The following CSDE1 variants were observed in gnomAD, a reference collection of about 807,000 sequenced individuals.
The protein encoded by CSDE1 is cold shock domain-containing protein E1.
A neutral mutation model predicts 89.3 loss-of-function variants in CSDE1; 17 were observed. The ratio of observed to expected loss-of-function variants is 0.19; its 90% CI spans 0.13 to 0.29. The LOEUF is 0.29. Ranked by LOEUF, CSDE1 falls within the 10% of genes least tolerant of loss-of-function variation. The pLI, the probability that CSDE1 is intolerant of heterozygous loss-of-function variation, is 1.00. For synonymous variants in CSDE1, 322 were observed against 332.8 expected (o/e 0.97, Z 0.35); for missense variants, 672 against 984.2 (o/e 0.68, Z 4.24).
intron 16 of CSDE1, among the ~76,000 whole-genome samples, 193 bp from the exon 17 acceptor site, chr1:114,720,910 G>C (rs1249992363): frequency 6.6e-6 from 1 of 152,154 alleles, no homozygotes; most frequent in Non-Finnish European, 1.5e-5. Flanking sequence ...AACCAAATGA[G>C]AATGTCACAG....
In CSDE1 at chr1:114,730,322, G is replaced by A. The variant is rs377443747; in HGVS notation, c.1292C>T (p.Thr431Met). ...GGAAAAAGTGGCTTCTTTTTCTACC[G>A]TGCCCAGAAAACGGTGATCTGAATG... The part of the protein sequence containing the change: ...HSHSDHRFLG[T>M]VEKEATFSNP... Residue 431 changes from threonine to methionine, a missense_variant, in exon 12 of 20, where the codon ACG (threonine) becomes ATG (methionine). Around this residue, in one of 8 missense-constraint regions of CSDE1, gnomAD observed 108 missense variants for 105.0 expected, o/e 1.03. Transcript: ENST00000358528. 11 of 1,613,994 alleles carry A rather than the reference G, an allele frequency of 6.8e-6. No homozygotes were observed. The highest frequency in any genetic ancestry group is 1.1e-5 in the South Asian group (1 of 91,078).
Position 114,718,177 on chromosome 1 carries a change from T to C in CSDE1, c.2389A>G (p.Ile797Val). 6.2e-7 allele frequency: 1 copy of C among 1,613,986 alleles called. No homozygotes were observed. ...AERKIRQAGV[I>V]D ...GTGCTTTGTGGATGTGGTTAGTCAA[T>C]GACACCAGCTTGACGGATCTTTCTT... Residue 797 changes from isoleucine (I) to valine (V), a missense_variant, in exon 20 of 20, where the codon ATT becomes GTT. Transcript: ENST00000358528.
At chr1:114,746,756 A>G (rs1661033865) in intron 2 of CSDE1, 1 of 152,208 alleles carries the variant, frequency 6.6e-6, no homozygotes, top group Non-Finnish European at 1.5e-5. Context: ...ACATTTCTCC[A>G]TATTGACCAT....
intron 2 of CSDE1, among the ~76,000 whole-genome samples, chr1:114,741,952 A>T (rs936607473): frequency 6.6e-6 from 1 of 152,244 alleles, no homozygotes; most frequent in Non-Finnish European, 1.5e-5. Context: ...ATGCCGATCA[A>T]CTTTAAATAG....
chr1:114,723,239 C>T (rs1235092814), intron 16 of CSDE1, among the ~76,000 whole-genome samples: 2 of 152,214 alleles, frequency 1.3e-5, no homozygotes, highest in African/African-American at 4.8e-5. Flanking sequence ...TAATCATCTA[C>T]AGAGTTCTCT....
rs1303961402 is a variant in CSDE1 at position 114,730,381 on chromosome 1, T to C, written c.1233A>G (p.Lys411=). ...ATGAAACCGTGCCCTTGGGAAGTTT[T>C]TTAATCCTAATAGCATGATTTCTTT... The part of the protein sequence containing the change: ...SAQRNHAIRI[K]KLPKGTVSFH... The change falls in exon 12 of 20, where the codon AAA becomes AAG. Residue 411 remains lysine (K), a synonymous_variant. Coordinates refer to ENST00000358528, the MANE Select transcript of CSDE1 (RefSeq NM_001007553.3). 4 of 1,614,080 alleles carry C rather than the reference T, an allele frequency of 2.5e-6. No homozygotes were observed. The Admixed American group carries it at 6.7e-5, about 27-fold the overall frequency.
At chr1:114,742,191 G>A (rs1453329705) in intron 2 of CSDE1, among the ~76,000 whole-genome samples, 1 of 152,076 alleles carries the variant, frequency 6.6e-6, no homozygotes, top group African/African-American at 2.4e-5. Flanking sequence ...CTCCAAAAGA[G>A]GCCAACAGTG....
intron 12 of CSDE1, among the ~76,000 whole-genome samples, chr1:114,728,242 AT>A (rs1489399503): frequency 6.6e-6 from 1 of 152,218 alleles, no homozygotes; most frequent in Admixed American, 6.5e-5. Flanking sequence ...AATCCAGAGG[AT>A]TTGAGTTTGG....
rs1421539381 is a variant in CSDE1 at position 114,737,536 on chromosome 1, C to G, written c.337G>C (p.Glu113Gln). ...QVVCAVPHNL[E>Q]SKSPAAPGQS... is the part of the protein sequence containing the mutation. ...CCCGGGGCAGCTGGAGATTTACTCT[C>G]TAAGTTGTGAGGAACAGCGCACACA... Residue 113 changes from glutamate (E) to glutamine (Q), a missense_variant, in exon 5 of 20, where the codon GAG (glutamate) becomes CAG (glutamine). By Grantham distance (29) the Glu-to-Gln change is conservative (BLOSUM62 2). This residue lies in a region of CSDE1 where 124 missense variants were observed against 138.7 expected (regional missense o/e 0.89). Coordinates refer to ENST00000358528, the MANE Select transcript of CSDE1 (RefSeq NM_001007553.3). The G allele has an allele frequency of 6.2e-7, 1 of 1,613,556 alleles. No homozygotes were observed. Among genetic ancestry groups the G allele is most frequent in the African/African-American group, 1.3e-5 (1 of 74,742 alleles).
chr1:114,723,079 G>A (rs538257048), intron 16 of CSDE1, among the ~76,000 whole-genome samples: 3 of 151,860 alleles, frequency 2.0e-5, no homozygotes, highest in South Asian at 2.1e-4. Context: ...GGCTGGTCAC[G>A]AACTCCTGGC....
chr1:114,735,780 G>C (rs1486473483), intron 6 of CSDE1, among the ~76,000 whole-genome samples: 1 of 147,230 alleles, frequency 6.8e-6, no homozygotes, highest in African/African-American at 2.4e-5. Flanking sequence ...CCTATGCCAA[G>C]ATAAAAATAA....
intron 12 of CSDE1, among the ~76,000 whole-genome samples, chr1:114,728,732 G>T (rs796356274): frequency 6.6e-6 from 1 of 152,142 alleles, no homozygotes; most frequent in Admixed American, 6.6e-5. Context: ...TAGGTACTTC[G>T]AGGGCTTTTT....
rs1659249917 is a variant in CSDE1 at position 114,717,500 on chromosome 1, C to CCCCCAA, written c.*663_*668dup. ...TACTTACTAATTGTAGTAAAGTTACCCCCCAACCCACGAAAAAAAACCTAC... is the reference window on the plus strand; with the variant it reads ...TACTTACTAATTGTAGTAAAGTTACCCCCCAACCCCAACCCACGAAAAAAAACCTAC... On this transcript the variant is annotated 3_prime_UTR_variant, in exon 20 of 20. Coordinates refer to ENST00000358528, the MANE Select transcript of CSDE1 (RefSeq NM_001007553.3). The CCCCCAA allele has an allele frequency of 6.6e-6, 1 of 152,208 alleles. No homozygotes were observed. The highest frequency in any genetic ancestry group is 2.4e-5 in the African/African-American group (1 of 41,302). The allele number at this position is 152,208 out of a possible 1,614,324, so 9.4% of individuals were successfully genotyped here. A position where few individuals can be genotyped will look rare whatever the true frequency, so the allele number is the denominator to read the frequency against.
chr1:114,737,941 A>G (rs1242087908), intron 4 of CSDE1, 22 bp downstream of exon 4: 2 of 1,528,502 alleles, frequency 1.3e-6, no homozygotes, highest in South Asian at 1.1e-5. Flanking sequence ...CTAAAAAAAC[A>G]CAAAGCATCA....
At chr1:114,740,452 G>T (rs1570936098) in intron 2 of CSDE1, among the ~76,000 whole-genome samples, 1 of 152,284 alleles carries the variant, frequency 6.6e-6, no homozygotes, top group South Asian at 2.1e-4. Context: ...GTCCTTTAAT[G>T]AAAGACTATC....
intron 2 of CSDE1, among the ~76,000 whole-genome samples, chr1:114,742,893 C>T (rs1482516079): frequency 6.6e-6 from 1 of 152,168 alleles, no homozygotes; most frequent in Non-Finnish European, 1.5e-5. Context: ...CAATCCAGAA[C>T]ATAGTATTTC....
intron 1 of CSDE1, among the ~76,000 whole-genome samples, chr1:114,750,836 C>T (rs1661267688): frequency 6.6e-6 from 1 of 152,182 alleles, no homozygotes; most frequent in African/African-American, 2.4e-5. Flanking sequence ...ATAAGTCAAG[C>T]GAGAATATGC....
intron 10 of CSDE1, among the ~76,000 whole-genome samples, chr1:114,731,594 T>C (rs981808757): frequency 6.6e-6 from 1 of 152,230 alleles, no homozygotes; most frequent in Admixed American, 6.5e-5. Context: ...ATGCAAATTA[T>C]GTCTGAGAAA....
intron 1 of CSDE1, among the ~76,000 whole-genome samples, chr1:114,757,342 AAAG>A (rs1328775228): frequency 6.6e-6 from 1 of 151,360 alleles, no homozygotes; most frequent in Non-Finnish European, 1.5e-5. Context: ...GTCTATACAC[AAAG>A]AAGGCGCCAC....
Sources: gnomAD v4.1 joint callset for allele counts (sites outside exome capture counted in the v4.1 genomes callset) on GRCh38, gnomAD v4.1.1 for gene constraint, gnomAD v4.1.1 regional missense constraint, MANE v1.5 for transcripts, NCBI Gene and HGNC (gene_info 2026-07-23, HGNC 2026-07-21) for gene names.